DENND2C: variants seen among roughly 807,000 people sequenced by gnomAD.
DENND2C encodes DENN domain-containing protein 2C.
Under a neutral mutation model 112.4 loss-of-function variants are expected in DENND2C, and 72 were observed. That is an observed-to-expected ratio of 0.64 (90% CI 0.53 to 0.78). The LOEUF is 0.78. Ranked by LOEUF, DENND2C falls within the 30% of genes least tolerant of loss-of-function variation. DENND2C has a pLI of 0.00. For missense variants in DENND2C, 992 were observed against 1,113.8 expected (o/e 0.89, Z 1.56); for synonymous variants, 329 against 381.6 (o/e 0.86, Z 1.61).
chr1:114,621,836 T>A lies in DENND2C; in HGVS notation c.1227+59A>T, dbSNP rs1656173937. ...TTCATTTCGGTCTAAAGTTTACTTA[T>A]TCTCATTCATGGAAATGCTGAAGTA... On this transcript the variant is annotated intron_variant, in intron 7 of 20. Coordinates refer to ENST00000393274, the MANE Select transcript of DENND2C (RefSeq NM_001256404.2). 7.8e-6 allele frequency: 12 copies of A among 1,540,398 alleles called. No individual in the cohort carries two copies. In the South Asian group the frequency reaches 1.4e-4, roughly 18 times the overall value.
intron 7 of DENND2C, 116 bp downstream of exon 7, chr1:114,621,779 T>A (rs1173034370): frequency 8.2e-6 from 11 of 1,335,610 alleles, no homozygotes; most frequent in Non-Finnish European, 1.1e-5. Context: ...TTCTAAGTCT[T>A]CTAATCCCAG....
At chr1:114,664,320 T>C (rs770110847) in intron 1 of DENND2C, among the ~76,000 whole-genome samples, 2 of 152,074 alleles carry the variant, frequency 1.3e-5, no homozygotes, top group African/African-American at 2.4e-5. Flanking sequence ...CTTTGATTGA[T>C]TGTGAACGGA....
At chr1:114,662,889 G>A (rs1443816520) in intron 1 of DENND2C, among the ~76,000 whole-genome samples, 1 of 152,154 alleles carries the variant, frequency 6.6e-6, no homozygotes, top group Non-Finnish European at 1.5e-5. Context: ...GAGCCCAGGG[G>A]TTGGAGGCTG....
At chr1:114,655,866 T>TTATATATATG (rs1553238208) in intron 1 of DENND2C, among the ~76,000 whole-genome samples, 4 of 62,462 alleles carry the variant, frequency 6.4e-5, no homozygotes, top group African/African-American at 2.8e-4. Context: ...CAAAGAACTT[T>TTATATATATG]TATATATATA....
intron 4 of DENND2C, 124 bp from the exon 5 acceptor site, chr1:114,623,767 A>C (rs571271347): frequency 3.1e-5 from 27 of 885,026 alleles, no homozygotes; most frequent in African/African-American, 2.6e-4. Context: ...ACAGAATCTC[A>C]GTCTGTTGCA....
intron 15 of DENND2C, 24 bp from the exon 16 acceptor site, chr1:114,599,475 G>C (rs1476601833): frequency 8.7e-6 from 14 of 1,604,256 alleles, no homozygotes; most frequent in Non-Finnish European, 1.2e-5. Flanking sequence ...AAAACAAATG[G>C]TGTCATATAT....
chr1:114,620,486 A>C (rs917788138), intron 7 of DENND2C, among the ~76,000 whole-genome samples: 2 of 152,190 alleles, frequency 1.3e-5, no homozygotes, highest in African/African-American at 4.8e-5. Flanking sequence ...TCTATAATCC[A>C]TAATTCCTAA....
chr1:114,652,980 T>G (rs1419647920), intron 2 of DENND2C, among the ~76,000 whole-genome samples: 1 of 152,160 alleles, frequency 6.6e-6, no homozygotes, highest in Admixed American at 6.5e-5. Context: ...TCAGTACAGA[T>G]GCAACCATCC....
intron 10 of DENND2C, among the ~76,000 whole-genome samples, chr1:114,608,279 AG>A (rs1483566215): frequency 1.2e-3 from 190 of 152,146 alleles, no homozygotes; most frequent in African/African-American, 4.4e-3. Flanking sequence ...AAAAAAAAAA[AG>A]AAAGAAAAAG....
chr1:114,623,628 A>C lies in DENND2C; in HGVS notation c.822T>G (p.Phe274Leu). ...RGRSKRKSFE[F>L]EDIQHFRNRN... ...GATTTCGAAAGTGCTGAATATCCTC[A>C]AATTCAAAGGATTTCCTTAAAAAAG... Residue 274 changes from phenylalanine (F) to leucine (L), a missense_variant, in exon 5 of 21, where the codon TTT (phenylalanine) becomes TTG (leucine). Around this residue, in one of 3 missense-constraint regions of DENND2C, gnomAD observed 470 missense variants for 472.7 expected, o/e 0.99. Coordinates refer to ENST00000393274, the MANE Select transcript of DENND2C (RefSeq NM_001256404.2). 6.3e-7 allele frequency: 1 copy of C among 1,596,112 alleles called. No individual in the cohort carries two copies. Among genetic ancestry groups the C allele is most frequent in the Non-Finnish European group, 8.5e-7 (1 of 1,172,548 alleles).
At chr1:114,651,262 A>G in intron 2 of DENND2C, among the ~76,000 whole-genome samples, 1 of 131,542 alleles carries the variant, frequency 7.6e-6, no homozygotes, top group East Asian at 2.0e-4. Flanking sequence ...ACACAGTGAG[A>G]CCTTCCCTAC....
At chr1:114,660,630 G>C (rs570382916) in intron 1 of DENND2C, among the ~76,000 whole-genome samples, 3 of 152,244 alleles carry the variant, frequency 2.0e-5, no homozygotes, top group Non-Finnish European at 2.9e-5. Flanking sequence ...CTGGACAGGG[G>C]GAGGGAACAC....
At chr1:114,601,467 A>T in intron 13 of DENND2C, 41 bp downstream of exon 13, 3 of 1,583,906 alleles carry the variant, frequency 1.9e-6, no homozygotes, top group Non-Finnish European at 2.6e-6. Context: ...TTAAGAGCTC[A>T]AAAAGGACAC....
At chr1:114,596,838 G>A (rs76693244) in intron 16 of DENND2C, among the ~76,000 whole-genome samples, 4,079 of 152,178 alleles carry the variant, frequency 0.027, 199 homozygotes, top group African/African-American at 0.093. Flanking sequence ...TATCGACACA[G>A]ACGGTTATCC....
chr1:114,618,505 CA>C, intron 7 of DENND2C, 23 bp from the exon 8 acceptor site: 3 of 1,443,726 alleles, frequency 2.1e-6, no homozygotes, highest in Non-Finnish European at 2.8e-6. Context: ...CAGAAAAATA[CA>C]AATTAAGACC....
At position 114,600,289 on chromosome 1, in the gene DENND2C, TAA is replaced by T; in HGVS notation, c.2018_2019del (p.Phe673Ter). On this transcript the variant is annotated frameshift_variant, in exon 15 of 21. Transcript: ENST00000393274. LOFTEE classifies it high-confidence loss of function. ...ATGAGATGACACACACTCAGGCACT[TAA>T]AGAGACATTTAAAATCAACATGTTC... The part of the protein sequence containing the change: ...RLEHVDFKCL[F>X]KCLSVCHLIR... The T allele has an allele frequency of 6.2e-7, 1 of 1,614,054 alleles. No homozygotes were observed. Among genetic ancestry groups the T allele is most frequent in the East Asian group, 2.2e-5 (1 of 44,866 alleles).
intron 1 of DENND2C, among the ~76,000 whole-genome samples, chr1:114,662,514 A>G (rs1284502075): frequency 1.3e-5 from 2 of 152,234 alleles, no homozygotes; most frequent in South Asian, 2.1e-4. Context: ...GAAAACTACG[A>G]AAGTTAGACA....
At chr1:114,585,848 A>G (rs1655024165) in intron 20 of DENND2C, among the ~76,000 whole-genome samples, 1 of 152,230 alleles carries the variant, frequency 6.6e-6, no homozygotes, top group Non-Finnish European at 1.5e-5. Context: ...GAACTCAGAC[A>G]TCATGTAATC....
At chr1:114,630,703 C>G (rs574354494) in intron 3 of DENND2C, among the ~76,000 whole-genome samples, 1 of 152,322 alleles carries the variant, frequency 6.6e-6, no homozygotes, top group East Asian at 1.9e-4. Context: ...CTCCAGAAAT[C>G]TACATAGAGT....
Sources: gnomAD v4.1 joint callset for allele counts (sites outside exome capture counted in the v4.1 genomes callset) on GRCh38, gnomAD v4.1.1 for gene constraint, gnomAD v4.1.1 regional missense constraint, MANE v1.5 for transcripts, NCBI Gene and HGNC (gene_info 2026-07-23, HGNC 2026-07-21) for gene names.